PTPRT: variants seen among roughly 807,000 people sequenced by gnomAD.
PTPRT encodes the protein protein tyrosine phosphatase receptor type T.
A neutral mutation model predicts 176.8 loss-of-function variants in PTPRT; 56 were observed. The observed-to-expected ratio is 0.32, with a 90% CI of 0.26 to 0.40. The LOEUF (loss-of-function observed/expected upper bound fraction) is 0.40. Ranked by LOEUF, PTPRT falls within the 10% of genes least tolerant of loss-of-function variation. PTPRT has a pLI of 1.00. For synonymous variants in PTPRT, 783 were observed against 739.0 expected (o/e 1.06, Z -0.96); for missense variants, 1,540 against 1,908.2 (o/e 0.81, Z 3.60).
In PTPRT at chr20:42,513,249, G is replaced by A. The variant is rs187919303; in HGVS notation, c.1154-40687C>T. On this transcript the variant is annotated intron_variant, in intron 7 of 30. Transcript: ENST00000373187. ...GTGTGTGTGTGTGTGTTTTCCAGGT[G>A]CAAAATCACTGGGCCAATTACCCCC... Among the ~76,000 whole-genome samples the A allele has an allele frequency of 3.3e-5, 5 of 150,194 alleles. No homozygotes were observed. The East Asian group carries it at 9.8e-4, about 29-fold the overall frequency.
chr20:42,469,079 TTG>T (rs2071148651), intron 8 of PTPRT, among the ~76,000 whole-genome samples: 1 of 152,206 alleles, frequency 6.6e-6, no homozygotes, highest in South Asian at 2.1e-4. Flanking sequence ...GAATACCTTT[TTG>T]TTTTTTTTTT....
chr20:42,880,659 G>A (rs1038888488), intron 2 of PTPRT, among the ~76,000 whole-genome samples: 1 of 152,170 alleles, frequency 6.6e-6, no homozygotes, highest in Non-Finnish European at 1.5e-5. Context: ...AGGAACTGGT[G>A]GTAGCTGTAG....
At chr20:42,325,577 A>G (rs941963233) in intron 11 of PTPRT, among the ~76,000 whole-genome samples, 2 of 152,174 alleles carry the variant, frequency 1.3e-5, no homozygotes, top group Non-Finnish European at 2.9e-5. Flanking sequence ...GCTTCTCAGC[A>G]TCTTCATAGT....
At chr20:42,486,435 T>C (rs2071465469) in intron 7 of PTPRT, among the ~76,000 whole-genome samples, 1 of 152,230 alleles carries the variant, frequency 6.6e-6, no homozygotes, top group Non-Finnish European at 1.5e-5. Context: ...TTTCACATTT[T>C]CTATCTCTTG....
intron 1 of PTPRT, among the ~76,000 whole-genome samples, chr20:43,005,410 G>A (rs1984801620): frequency 6.6e-6 from 1 of 152,138 alleles, no homozygotes; most frequent in Non-Finnish European, 1.5e-5. Context: ...CTCAAACTGG[G>A]TGTTCTTTTC....
chr20:42,834,838 T>G (rs1222559162), intron 2 of PTPRT, among the ~76,000 whole-genome samples: 1 of 152,106 alleles, frequency 6.6e-6, no homozygotes, highest in Non-Finnish European at 1.5e-5. Flanking sequence ...GGAAAGTTAC[T>G]CCATGTCAAT....
intron 1 of PTPRT, among the ~76,000 whole-genome samples, chr20:43,061,363 C>T (rs1230945818): frequency 6.6e-6 from 1 of 152,212 alleles, no homozygotes; most frequent in African/African-American, 2.4e-5. Context: ...CATCTGCCCA[C>T]TGCCTCCTTA....
intron 2 of PTPRT, among the ~76,000 whole-genome samples, chr20:42,822,470 C>T (rs773897453): frequency 6.6e-6 from 1 of 152,088 alleles, no homozygotes; most frequent in African/African-American, 2.4e-5. Context: ...CTAGGCAATA[C>T]CATTCAGGAC....
chr20:42,768,802 A>T (rs1259181166), intron 5 of PTPRT, among the ~76,000 whole-genome samples: 1 of 152,228 alleles, frequency 6.6e-6, no homozygotes, highest in Non-Finnish European at 1.5e-5. Flanking sequence ...AGGAGATAAG[A>T]TGTGGAAGAG....
At chr20:42,128,488 A>G (rs185948463) in intron 19 of PTPRT, among the ~76,000 whole-genome samples, 28 of 152,268 alleles carry the variant, frequency 1.8e-4, no homozygotes, top group African/African-American at 6.7e-4. Flanking sequence ...TGAATGGATC[A>G]ACAGACATAT....
chr20:42,972,126 G>A (rs1050430194), intron 1 of PTPRT, among the ~76,000 whole-genome samples: 1 of 146,040 alleles, frequency 6.8e-6, no homozygotes, highest in Non-Finnish European at 1.5e-5. Context: ...TGGCAACAAG[G>A]AATCATCATG....
intron 7 of PTPRT, among the ~76,000 whole-genome samples, chr20:42,649,000 TA>T (rs2074977112): frequency 6.6e-6 from 1 of 151,870 alleles, no homozygotes; most frequent in African/African-American, 2.4e-5. Flanking sequence ...TTCTATTTTT[TA>T]GTAGAGATGG....
chr20:42,907,201 C>T (rs988206829), intron 1 of PTPRT, among the ~76,000 whole-genome samples: 15 of 152,240 alleles, frequency 9.9e-5, no homozygotes, highest in African/African-American at 2.9e-4. Flanking sequence ...ACCCGAAGAA[C>T]GCTTTAAATA....
chr20:43,043,471 T>C (rs2146217071), intron 1 of PTPRT, among the ~76,000 whole-genome samples: 1 of 152,350 alleles, frequency 6.6e-6, no homozygotes, highest in Middle Eastern at 3.4e-3. Context: ...TTTGTCTGAA[T>C]TATCCTGTTC....
rs79211017 is a variant in PTPRT, at chr20:42,125,473, A to G, written c.2847+3281T>C. Among the ~76,000 whole-genome samples, 984 of 152,294 alleles carry G rather than the reference A, an allele frequency of 6.5e-3. 14 individuals are homozygous for G. The highest frequency in any genetic ancestry group is 0.022 in the African/African-American group (912 of 41,550). ...TGAGCCTGGAGTTCAATATCCCATA[A>G]TAAGACAGCATGAACAGAGGCCATT... On this transcript the variant is annotated intron_variant, in intron 19 of 30. Coordinates refer to ENST00000373187, the MANE Select transcript of PTPRT (RefSeq NM_007050.6).
chr20:43,077,172 A>C (rs895543228), intron 1 of PTPRT, among the ~76,000 whole-genome samples: 10 of 152,256 alleles, frequency 6.6e-5, no homozygotes, highest in African/African-American at 2.4e-4. Context: ...CAAGAAAAAA[A>C]GAGTGTAAGA....
At chr20:42,141,850 T>G (rs1988644840) in intron 18 of PTPRT, 65 bp downstream of exon 18, 3 of 1,378,452 alleles carry the variant, frequency 2.2e-6, no homozygotes, top group Non-Finnish European at 1.0e-6. Context: ...TAAATAATAG[T>G]AATAGCCTCT....
intron 27 of PTPRT, among the ~76,000 whole-genome samples, chr20:42,090,856 T>C (rs1284101382): frequency 6.6e-6 from 1 of 152,206 alleles, no homozygotes; most frequent in Non-Finnish European, 1.5e-5. Context: ...TGTAAAACTT[T>C]TGAAGTTGGC....
chr20:42,584,349 T>A (rs6072800), intron 7 of PTPRT, among the ~76,000 whole-genome samples: 1 of 151,992 alleles, frequency 6.6e-6, no homozygotes, highest in African/African-American at 2.4e-5. Context: ...CCAGCCCCAC[T>A]GGCCTCCCTG....
Sources: allele counts gnomAD v4.1 joint callset (sites outside exome capture counted in the v4.1 genomes callset), GRCh38; gene constraint gnomAD v4.1.1; transcripts MANE v1.5; gene names NCBI Gene and HGNC (gene_info 2026-07-23, HGNC 2026-07-21).